The following SFT2D2 variants were observed in gnomAD, a reference collection of about 807,000 sequenced individuals.
SFT2D2 encodes the protein SFT2 domain containing 2.
SFT2D2 carries 21 observed loss-of-function variants against 27.4 expected under a neutral mutation model. That is an observed-to-expected ratio of 0.77 (90% confidence interval 0.54 to 1.10). SFT2D2 has a LOEUF of 1.10. Ranked by LOEUF, SFT2D2 falls within the 50% of genes least tolerant of loss-of-function variation. The pLI, the probability that SFT2D2 is intolerant of heterozygous loss-of-function variation, is 0.00. For synonymous variants in SFT2D2, 72 were observed against 71.7 expected (o/e 1.00, Z -0.02); for missense variants, 187 against 194.2 (o/e 0.96, Z 0.22).
At chr1:168,226,897 G>T (rs1386459705) in intron 1 of SFT2D2, among the ~76,000 whole-genome samples, 2 of 152,022 alleles carry the variant, frequency 1.3e-5, no homozygotes, top group African/African-American at 2.4e-5. Flanking sequence ...TTGGCTCACT[G>T]CAGCCTCTGC....
intron 1 of SFT2D2, among the ~76,000 whole-genome samples, chr1:168,226,843 A>G (rs1187267480): frequency 1.3e-5 from 2 of 152,056 alleles, no homozygotes. Context: ...TTTCTGAGAC[A>G]GAGTCTCACT....
chr1:168,241,400 C>T (rs1647641147), intron 7 of SFT2D2, among the ~76,000 whole-genome samples: 1 of 151,680 alleles, frequency 6.6e-6, no homozygotes, highest in Non-Finnish European at 1.5e-5. Context: ...ACCGTGTTGG[C>T]CAGGCTGGTC....
chr1:168,229,297 G>A (rs888090441), intron 1 of SFT2D2, among the ~76,000 whole-genome samples: 4 of 152,160 alleles, frequency 2.6e-5, no homozygotes, highest in Non-Finnish European at 5.9e-5. Flanking sequence ...TCGGCTCACT[G>A]CAGGCTCCGC....
chr1:168,234,963 A>G (rs750337623), intron 3 of SFT2D2, 138 bp from the exon 4 acceptor site: 4 of 761,632 alleles, frequency 5.3e-6, no homozygotes, highest in South Asian at 3.1e-5. Context: ...AAAATGCACG[A>G]AAGGCCCTTC....
rs1306187608 is a variant in SFT2D2 at position 168,246,983 on chromosome 1, C to T, written c.*4443C>T. 1 of 584,344 alleles carries T rather than the reference C, an allele frequency of 1.7e-6. No homozygotes were observed. Among genetic ancestry groups the T allele is most frequent in the Non-Finnish European group, 3.2e-6 (1 of 313,430 alleles). 36.2% of individuals were successfully genotyped at this position (584,344 alleles called of 1,614,324 possible). On this transcript the variant is annotated 3_prime_UTR_variant, in exon 8 of 8. Coordinates refer to ENST00000271375, the MANE Select transcript of SFT2D2 (RefSeq NM_199344.3). Reference sequence around the variant, plus strand: ...CATCTTGCATCAAATGGTTTTTATGCAACAGGTCTTCTTCTTTTTCATGAC... The same window carrying T: ...CATCTTGCATCAAATGGTTTTTATGTAACAGGTCTTCTTCTTTTTCATGAC...
At chr1:168,232,648 C>A (rs116593898) in intron 3 of SFT2D2, among the ~76,000 whole-genome samples, 1,840 of 152,280 alleles carry the variant, frequency 0.012, 15 homozygotes, top group Middle Eastern at 0.041. Flanking sequence ...CTTACTGGCT[C>A]CTTCCTCTTT....
intron 1 of SFT2D2, 38 bp downstream of exon 1, chr1:168,226,180 G>C (rs1217250615): frequency 1.3e-6 from 2 of 1,514,258 alleles, no homozygotes; most frequent in Non-Finnish European, 1.8e-6. Flanking sequence ...CTCTCGCCGC[G>C]CTCCCGCCCT....
chr1:168,228,755 G>A (rs1700485395), intron 1 of SFT2D2, among the ~76,000 whole-genome samples: 1 of 152,172 alleles, frequency 6.6e-6, no homozygotes, highest in Admixed American at 6.5e-5. Flanking sequence ...ACATCACAGA[G>A]TGAAAGGGAC....
chr1:168,242,410 T>C, intron 7 of SFT2D2, 91 bp from the exon 8 acceptor site: 1 of 1,402,030 alleles, frequency 7.1e-7, no homozygotes. Flanking sequence ...CTAGGTGCTT[T>C]CTACTCTGCA....
rs1393808166 is a variant in SFT2D2, at chr1:168,246,318, T to G, written c.*3778T>G. 3.9e-5 allele frequency: 17 copies of G among 439,068 alleles called. No homozygotes were observed. The East Asian group carries it at 8.0e-4, about 21-fold the overall frequency. 27.2% of individuals were successfully genotyped at this position (439,068 alleles called of 1,614,324 possible). The stretch of plus-strand genomic sequence containing the variant: ...TTTGTTGTGAACATCATCCAGTTGC[T>G]GTTGAAGCAACATATTTTGTCTTCG... On this transcript the variant is annotated 3_prime_UTR_variant, in exon 8 of 8. Coordinates refer to ENST00000271375, the MANE Select transcript of SFT2D2 (RefSeq NM_199344.3).
rs574697504 is a variant in SFT2D2 at position 168,245,272 on chromosome 1, A to G, written c.*2732A>G. The G allele has an allele frequency of 6.6e-6, 1 of 152,348 alleles. No homozygotes were observed. The highest frequency in any genetic ancestry group is 2.1e-4 in the South Asian group (1 of 4,830). 9.4% of individuals were successfully genotyped at this position (152,348 alleles called of 1,614,324 possible). On this transcript the variant is annotated 3_prime_UTR_variant, in exon 8 of 8. Transcript: ENST00000271375. ...AGTTTCGCAACACAGCAGGATATAT[A>G]ATTGATATACACAAATCAATTGTGT... is the stretch of plus-strand genomic sequence containing the variant.
Position 168,250,886 on chromosome 1 carries a change from T to TG in SFT2D2, c.*8348dup, listed in dbSNP as rs1251625690. The TG allele has an allele frequency of 6.6e-6, 1 of 152,206 alleles. No individual in the cohort carries two copies. Among genetic ancestry groups the TG allele is most frequent in the African/African-American group, 2.4e-5 (1 of 41,446 alleles). 9.4% of individuals were successfully genotyped at this position (152,206 alleles called of 1,614,324 possible). A position where few individuals can be genotyped will look rare whatever the true frequency, so the allele number is the denominator to read the frequency against. Reference sequence around the variant, plus strand: ...TTCACTGGGTTGATTATCTCAGTGGTGGATCATCTATCACCCTTGTGTGGT... The same window carrying TG: ...TTCACTGGGTTGATTATCTCAGTGGTGGGATCATCTATCACCCTTGTGTGGT... On this transcript the variant is annotated 3_prime_UTR_variant, in exon 8 of 8. Coordinates refer to ENST00000271375, the MANE Select transcript of SFT2D2 (RefSeq NM_199344.3).
intron 1 of SFT2D2, chr1:168,229,855 TC>T (rs919854024): frequency 4.6e-5 from 7 of 152,238 alleles, no homozygotes; most frequent in African/African-American, 1.7e-4. Flanking sequence ...CAGAGCATCA[TC>T]ACATGGCTCA....
chr1:168,252,964 C>T lies in SFT2D2; in HGVS notation c.*10424C>T, dbSNP rs906086260. 4 of 152,128 alleles carry T rather than the reference C, an allele frequency of 2.6e-5. No homozygotes were observed. The highest frequency in any genetic ancestry group is 9.7e-5 in the African/African-American group (4 of 41,428). 9.4% of individuals were successfully genotyped at this position (152,128 alleles called of 1,614,324 possible). On this transcript the variant is annotated 3_prime_UTR_variant, in exon 8 of 8. Transcript: ENST00000271375. Reference sequence around the variant, plus strand: ...CCAAGCTGTCTCTCCTCCCCCATCACAATTGTTAGTTTTTTTTGCTTTCTT... The same window carrying T: ...CCAAGCTGTCTCTCCTCCCCCATCATAATTGTTAGTTTTTTTTGCTTTCTT...
Position 168,231,872 on chromosome 1 carries a change from C to A in SFT2D2, c.189C>A (p.His63Gln). The change falls in exon 3 of 8, where the codon CAC (histidine) becomes CAA (glutamine). Residue 63 changes from histidine (H) to glutamine (Q), a missense_variant. By Grantham distance (24) the His-to-Gln change is conservative (BLOSUM62 0). Transcript: ENST00000271375. ...TGTGGGTGCCCAGGAAGGGACTACA[C>A]CTCTTCGCAGTGTTTTATACCTTTG... is the stretch of plus-strand genomic sequence containing the variant. Reference protein sequence around the residue: ...VLLWVPRKGLHLFAVFYTFGN... With the variant: ...VLLWVPRKGLQLFAVFYTFGN... 1 of 1,614,120 alleles carries A rather than the reference C, an allele frequency of 6.2e-7. No individual in the cohort carries two copies. Among genetic ancestry groups the A allele is most frequent in the Non-Finnish European group, 8.5e-7 (1 of 1,180,022 alleles).
At chr1:168,238,958 C>T (rs764154600) in intron 6 of SFT2D2, among the ~76,000 whole-genome samples, 173 bp from the exon 7 acceptor site, 13 of 152,212 alleles carry the variant, frequency 8.5e-5, no homozygotes, top group Non-Finnish European at 1.3e-4. Context: ...TTTGGGTACA[C>T]GTGCATGCAC....
rs990955905 is a variant in SFT2D2, at chr1:168,251,901, T to G, written c.*9361T>G. On this transcript the variant is annotated 3_prime_UTR_variant, in exon 8 of 8. Coordinates refer to ENST00000271375, the MANE Select transcript of SFT2D2 (RefSeq NM_199344.3). Reference sequence around the variant, plus strand: ...TTTATTTTAAAAGTTTGTTGGGAGGTAAAATTGTGTGACTTTACCTTCTGG... The same window carrying G: ...TTTATTTTAAAAGTTTGTTGGGAGGGAAAATTGTGTGACTTTACCTTCTGG... 1 of 152,110 alleles carries G rather than the reference T, an allele frequency of 6.6e-6. No individual in the cohort carries two copies. Among genetic ancestry groups the G allele is most frequent in the Non-Finnish European group, 1.5e-5 (1 of 68,022 alleles). The allele number at this position is 152,110 out of a possible 1,614,324, so 9.4% of individuals were successfully genotyped here.
intron 3 of SFT2D2, among the ~76,000 whole-genome samples, chr1:168,232,449 G>A (rs1338595587): frequency 6.6e-6 from 1 of 152,196 alleles, no homozygotes; most frequent in Non-Finnish European, 1.5e-5. Flanking sequence ...TCACACTGGT[G>A]CCAACAACTC....
chr1:168,229,120 C>T (rs1700487844), intron 1 of SFT2D2, among the ~76,000 whole-genome samples: 1 of 152,144 alleles, frequency 6.6e-6, no homozygotes, highest in Admixed American at 6.5e-5. Context: ...GCTTGAGAGA[C>T]TTGGATATGG....
Sources: gnomAD v4.1 joint callset for allele counts (sites outside exome capture counted in the v4.1 genomes callset) on GRCh38, gnomAD v4.1.1 for gene constraint, MANE v1.5 for transcripts, NCBI Gene and HGNC (gene_info 2026-07-23, HGNC 2026-07-21) for gene names.